CARMIL3: variants seen among roughly 807,000 people sequenced by gnomAD.
CARMIL3 encodes capping protein, Arp2/3 and myosin-I linker protein 3.
CARMIL3 carries 88 observed loss-of-function variants against 180.8 expected under a neutral mutation model. The observed-to-expected ratio is 0.49, with a 90% CI of 0.41 to 0.58. The LOEUF (loss-of-function observed/expected upper bound fraction) is 0.58. Among genes scored for constraint, CARMIL3 ranks in the 20% least tolerant of loss-of-function variants. The pLI, the probability that CARMIL3 is intolerant of heterozygous loss-of-function variation, is 0.00. For missense variants in CARMIL3, 1,548 were observed against 1,787.0 expected (o/e 0.87, Z 2.41); for synonymous variants, 696 against 714.5 (o/e 0.97, Z 0.41).
chr14:24,058,865 C>T lies in CARMIL3; in HGVS notation c.1475-25C>T. On this transcript the variant is annotated intron_variant, in intron 18 of 39. Coordinates refer to ENST00000342740, the MANE Select transcript of CARMIL3 (RefSeq NM_138360.4). The surrounding 1 kb of genome is among the most constrained non-coding windows in gnomAD (Gnocchi z 6.4). ...ACCAGTCAGCCTCAGGCCTCCAGGC[C>T]AGGCCTCTCCCATCTGCTCACCAGG... 1 of 1,613,656 alleles carries T rather than the reference C, an allele frequency of 6.2e-7. No homozygotes were observed. Among genetic ancestry groups the T allele is most frequent in the Middle Eastern group, 1.6e-4 (1 of 6,062 alleles).
chr14:24,052,112 G>T lies in CARMIL3; in HGVS notation c.-42G>T. Reference sequence around the variant, plus strand: ...GCATGTGCCGCGGCTCCCCGGCGGCGGCGGCGGCTCCTCTGCAGCAGCCTC... The same window carrying T: ...GCATGTGCCGCGGCTCCCCGGCGGCTGCGGCGGCTCCTCTGCAGCAGCCTC... On this transcript the variant is annotated 5_prime_UTR_variant, in exon 1 of 40. Coordinates refer to ENST00000342740, the MANE Select transcript of CARMIL3 (RefSeq NM_138360.4). The T allele has an allele frequency of 6.5e-7, 1 of 1,530,402 alleles. No homozygotes were observed. The allele number at this position is 1,530,402 out of a possible 1,614,324, so 94.8% of individuals were successfully genotyped here.
intron 1 of CARMIL3, among the ~76,000 whole-genome samples, chr14:24,053,062 GCA>G (rs35652143): frequency 0.041 from 6,158 of 149,822 alleles, 404 homozygotes; most frequent in African/African-American, 0.14. Context: ...ACACGCGCGT[GCA>G]CACACACACA....
rs761245497 is a variant in CARMIL3, at chr14:24,064,364, A to G, written c.3080+18A>G. 6.3e-7 allele frequency: 1 copy of G among 1,577,950 alleles called. No homozygotes were observed. Among genetic ancestry groups the G allele is most frequent in the South Asian group, 1.1e-5 (1 of 87,900 alleles). Reference sequence around the variant, plus strand: ...AGTTCTAGGTGTGATGCCTAAACACACTCCCATTTTCAGCAGGCCCCAAGG... The same window carrying G: ...AGTTCTAGGTGTGATGCCTAAACACGCTCCCATTTTCAGCAGGCCCCAAGG... On this transcript the variant is annotated intron_variant, in intron 32 of 39. Transcript: ENST00000342740.
intron 36 of CARMIL3, among the ~76,000 whole-genome samples, chr14:24,067,679 CTAAT>C (rs1361691805): frequency 2.8e-4 from 43 of 152,398 alleles, no homozygotes; most frequent in African/African-American, 1.0e-3. Context: ...CATACACAGG[CTAAT>C]TAAAGCGCCC....
intron 33 of CARMIL3, 129 bp from the exon 34 acceptor site, chr14:24,065,493 A>G: frequency 1.5e-6 from 2 of 1,378,052 alleles, no homozygotes; most frequent in East Asian, 2.3e-5. Context: ...AGGACTCTTC[A>G]GAGGGTCTCT....
Position 24,052,123 on chromosome 14 carries a change from C to T in CARMIL3, c.-31C>T. On this transcript the variant is annotated 5_prime_UTR_variant, in exon 1 of 40. Transcript: ENST00000342740. ...GGCTCCCCGGCGGCGGCGGCGGCTC[C>T]TCTGCAGCAGCCTCAGCAGCAGCGG... is the stretch of plus-strand genomic sequence containing the variant. 1 of 1,551,636 alleles carries T rather than the reference C, an allele frequency of 6.4e-7. No homozygotes were observed. Among genetic ancestry groups the T allele is most frequent in the Non-Finnish European group, 8.7e-7 (1 of 1,155,054 alleles).
Position 24,069,164 on chromosome 14 carries a change from C to T in CARMIL3, c.4010C>T (p.Ala1337Val). ...CCCCCTGATCCAGGCCGGCGGACTG[C>T]CCCCCTGAAGCCCAAGAGGACACGG... ...QGPPDPGRRTAPLKPKRTRRA... is the reference protein window; with the variant it reads ...QGPPDPGRRTVPLKPKRTRRA... The change falls in exon 39 of 40, where the codon GCC becomes GTC. Residue 1337 changes from alanine (A) to valine (V), a missense_variant. Coordinates refer to ENST00000342740, the MANE Select transcript of CARMIL3 (RefSeq NM_138360.4). 2 of 1,614,008 alleles carry T rather than the reference C, an allele frequency of 1.2e-6. No individual in the cohort carries two copies. The highest frequency in any genetic ancestry group is 1.1e-5 in the South Asian group (1 of 91,076).
chr14:24,053,999 C>A, intron 2 of CARMIL3, 89 bp from the exon 3 acceptor site: 1 of 1,469,414 alleles, frequency 6.8e-7, no homozygotes, highest in Non-Finnish European at 9.4e-7. Context: ...GGGAGACACT[C>A]CAAGAGCAGA....
intron 27 of CARMIL3, chr14:24,062,118 A>C: frequency 2.7e-6 from 1 of 371,472 alleles, no homozygotes; most frequent in Admixed American, 4.0e-5. Context: ...GGCCCAAGGA[A>C]GGGTCTTTCC....
At chr14:24,062,932 A>G in intron 29 of CARMIL3, 86 bp downstream of exon 29, 1 of 1,550,374 alleles carries the variant, frequency 6.5e-7, no homozygotes, top group South Asian at 1.2e-5. Context: ...ACTGATCTGT[A>G]CTCCCCTGGC....
At position 24,069,231 on chromosome 14, in the gene CARMIL3, G is replaced by A. The variant is rs1040041103; in HGVS notation, c.4077G>A (p.Arg1359=). ...SCDKLEPDRR[R]PPDPTGTSEP... is the part of the protein sequence containing the mutation. The stretch of plus-strand genomic sequence containing the variant: ...ACAAGCTGGAACCTGATAGAAGACG[G>A]CCTCCTGACCCCACAGGTGCTGGTG... Residue 1359 remains arginine (R), a synonymous_variant, in exon 39 of 40, where the codon CGG becomes CGA. Transcript: ENST00000342740. The A allele has an allele frequency of 1.2e-6, 2 of 1,613,968 alleles. No individual in the cohort carries two copies. Among genetic ancestry groups the A allele is most frequent in the African/African-American group, 2.7e-5 (2 of 74,902 alleles).
Position 24,054,751 on chromosome 14 carries a change from C to T in CARMIL3, c.403C>T (p.Pro135Ser), listed in dbSNP as rs1445816874. Residue 135 changes from proline (P) to serine (S), a missense_variant, in exon 6 of 40, where the codon CCC (proline) becomes TCC (serine). By Grantham distance (74) the Pro-to-Ser change is moderately conservative. Around this residue, in one of 4 missense-constraint regions of CARMIL3, gnomAD observed 578 missense variants for 666.5 expected, o/e 0.87. Transcript: ENST00000342740. This position sits in a 1 kb window ranked among gnomAD's most constrained non-coding sequence, Gnocchi z 5.1. ...RRGNADTPEG[P>S]RDTSPNSETS... is the part of the protein sequence containing the mutation. Reference sequence around the variant, plus strand: ...TGGAAACGCAGACACCCCAGAGGGGCCCCGAGATACATCCCCCAACTCTGA... The same window carrying T: ...TGGAAACGCAGACACCCCAGAGGGGTCCCGAGATACATCCCCCAACTCTGA... 3 of 1,614,112 alleles carry T rather than the reference C, an allele frequency of 1.9e-6. No homozygotes were observed. Among genetic ancestry groups the T allele is most frequent in the Non-Finnish European group, 2.5e-6 (3 of 1,180,002 alleles).
At position 24,061,459 on chromosome 14, in the gene CARMIL3, C is replaced by A; in HGVS notation, c.2305-38C>A. 1 of 1,591,546 alleles carries A rather than the reference C, an allele frequency of 6.3e-7. No homozygotes were observed. Among genetic ancestry groups the A allele is most frequent in the South Asian group, 1.1e-5 (1 of 87,750 alleles). On this transcript the variant is annotated intron_variant, in intron 26 of 39. Transcript: ENST00000342740. The surrounding 1 kb of genome is among the most constrained non-coding windows in gnomAD (Gnocchi z 4.1). ...GCTGTGGTGCCAGCCCTGATCCTGT[C>A]CCCCTTGGGCCTCTGGCCTCCCTTT...
Position 24,054,853 on chromosome 14 carries a change from G to A in CARMIL3, c.460+45G>A, listed in dbSNP as rs2035656580. On this transcript the variant is annotated intron_variant, in intron 6 of 39. Transcript: ENST00000342740. The surrounding 1 kb of genome is among the most constrained non-coding windows in gnomAD (Gnocchi z 5.1). ...AGGAAAGTAGGCGCTCCACCATCTT[G>A]CCCCATGATCAGAGCCCTTTGTGCA... 2 of 1,581,190 alleles carry A rather than the reference G, an allele frequency of 1.3e-6. No individual in the cohort carries two copies. Among genetic ancestry groups the A allele is most frequent in the Non-Finnish European group, 1.7e-6 (2 of 1,152,844 alleles).
Position 24,059,272 on chromosome 14 carries a change from C to T in CARMIL3, c.1629C>T (p.Ser543=). 2 of 1,613,954 alleles carry T rather than the reference C, an allele frequency of 1.2e-6. No homozygotes were observed. The highest frequency in any genetic ancestry group is 1.7e-6 in the Non-Finnish European group (2 of 1,180,010). The part of the protein sequence containing the change: ...LVQLIQEEDC[S]LQSLSVADSR... The stretch of plus-strand genomic sequence containing the variant: ...CCAACCGCCCCTTGCCCACACAGTC[C>T]CTGCAGTCACTGTCGGTGGCAGACT... Residue 543 remains serine, a splice_region_variant and synonymous_variant, in exon 21 of 40, where the codon TCC becomes TCT. Transcript: ENST00000342740. This position sits in a 1 kb window ranked among gnomAD's most constrained non-coding sequence, Gnocchi z 6.3.
At chr14:24,060,378 A>G in intron 24 of CARMIL3, 123 bp downstream of exon 24, 5 of 1,209,978 alleles carry the variant, frequency 4.1e-6, no homozygotes, top group Non-Finnish European at 5.9e-6. Flanking sequence ...TGGACTGAGC[A>G]TGTGGGGAAG....
chr14:24,057,058 A>T, intron 13 of CARMIL3, 34 bp downstream of exon 13: 5 of 1,605,926 alleles, frequency 3.1e-6, no homozygotes, highest in Non-Finnish European at 4.3e-6. Context: ...CCCCCTGCAG[A>T]AAGCATGCTT....
chr14:24,067,710 C>T (rs1370338158), intron 36 of CARMIL3, among the ~76,000 whole-genome samples: 1 of 152,284 alleles, frequency 6.6e-6, no homozygotes, highest in Non-Finnish European at 1.5e-5. Flanking sequence ...AGGGCTCCAT[C>T]TTTCATTTAG....
intron 39 of CARMIL3, 58 bp downstream of exon 39, chr14:24,069,305 C>A: frequency 6.2e-7 from 1 of 1,612,736 alleles, no homozygotes; most frequent in Non-Finnish European, 8.5e-7. Context: ...ACATGACACC[C>A]CCCGAAGCCC....
Sources: allele counts gnomAD v4.1 joint callset (sites outside exome capture counted in the v4.1 genomes callset), GRCh38; gene constraint gnomAD v4.1.1; regional missense constraint gnomAD v4.1.1; non-coding constraint Gnocchi (gnomAD v3.1); transcripts MANE v1.5; gene names NCBI Gene and HGNC (gene_info 2026-07-23, HGNC 2026-07-21).